Variants in CALB1 observed in about 807,000 individuals in gnomAD.
The protein encoded by CALB1 is calbindin 1.
In CALB1, 16 loss-of-function variants were observed where a neutral mutation model predicts 46.7. That is an observed-to-expected ratio of 0.34 (90% CI 0.23 to 0.52). The LOEUF (loss-of-function observed/expected upper bound fraction) is 0.52. Ranked by LOEUF, CALB1 falls within the 20% of genes least tolerant of loss-of-function variation. The pLI is 0.95. For missense variants in CALB1, 224 were observed against 300.3 expected (o/e 0.75, Z 1.88); for synonymous variants, 90 against 112.8 (o/e 0.80, Z 1.28).
At chr8:90,061,480 C>T (rs1050791159) in intron 9 of CALB1, 5 of 152,012 alleles carry the variant, frequency 3.3e-5, no homozygotes, top group African/African-American at 9.7e-5. Context: ...AGAGAGAAAA[C>T]CCTAAAGACC....
At chr8:90,078,303 A>C (rs1814657081) in intron 3 of CALB1, 70 bp downstream of exon 3, 4 of 918,510 alleles carry the variant, frequency 4.4e-6, no homozygotes, top group Non-Finnish European at 7.1e-6. Flanking sequence ...ATCTTACTTG[A>C]CTTGAAGACA....
chr8:90,065,094 A>G (rs1012887871), intron 6 of CALB1, among the ~76,000 whole-genome samples: 1 of 151,862 alleles, frequency 6.6e-6, no homozygotes, highest in Non-Finnish European at 1.5e-5. Context: ...GTACCTTCAC[A>G]GTACTGAAAG....
chr8:90,075,913 G>T (rs975596651), intron 3 of CALB1, among the ~76,000 whole-genome samples: 4 of 152,002 alleles, frequency 2.6e-5, no homozygotes, highest in African/African-American at 9.7e-5. Flanking sequence ...ATCGGAATGA[G>T]ATCTAAGTCT....
At chr8:90,072,864 A>C (rs980144744) in intron 3 of CALB1, among the ~76,000 whole-genome samples, 3 of 152,204 alleles carry the variant, frequency 2.0e-5, no homozygotes, top group African/African-American at 7.2e-5. Flanking sequence ...GAACTCCCAA[A>C]ACTTTTTTAT....
At chr8:90,060,864 TAA>T in intron 9 of CALB1, 164 bp from the exon 10 acceptor site, 2 of 635,182 alleles carry the variant, frequency 3.1e-6, no homozygotes, top group South Asian at 3.7e-5. Context: ...TCCAAAGCTG[TAA>T]AATATGCAAG....
At chr8:90,075,099 T>G (rs1281797198) in intron 3 of CALB1, among the ~76,000 whole-genome samples, 1 of 152,198 alleles carries the variant, frequency 6.6e-6, no homozygotes, top group Non-Finnish European at 1.5e-5. Flanking sequence ...TAAACTGTAT[T>G]TGTGTGGATT....
intron 6 of CALB1, among the ~76,000 whole-genome samples, chr8:90,065,509 A>G (rs1814378065): frequency 6.6e-6 from 1 of 151,794 alleles, no homozygotes; most frequent in East Asian, 1.9e-4. Context: ...ATAAAAATGG[A>G]TTTAGGAACT....
At chr8:90,061,880 A>G (rs1290271426) in intron 9 of CALB1, 1 of 152,168 alleles carries the variant, frequency 6.6e-6, no homozygotes, top group African/African-American at 2.4e-5. Flanking sequence ...TAACCACAAA[A>G]GATCCCAAAT....
At chr8:90,065,192 G>A (rs1485625115) in intron 6 of CALB1, among the ~76,000 whole-genome samples, 1 of 151,536 alleles carries the variant, frequency 6.6e-6, no homozygotes, top group Non-Finnish European at 1.5e-5. Flanking sequence ...TAACTTCATA[G>A]ACATTGGTTT....
rs745845774 is a variant in CALB1, at chr8:90,060,289, G to A, written c.673-3C>T. 2.0e-6 allele frequency: 3 copies of A among 1,516,602 alleles called. No individual in the cohort carries two copies. The highest frequency in any genetic ancestry group is 3.4e-4 in the Middle Eastern group (2 of 5,892). 93.9% of individuals were successfully genotyped at this position (1,516,602 alleles called of 1,614,324 possible). A position where few individuals can be genotyped will look rare whatever the true frequency, so the allele number is the denominator to read the frequency against. On this transcript the variant is annotated splice_polypyrimidine_tract_variant and splice_region_variant and intron_variant, in intron 10 of 10. Transcript: ENST00000265431. ...GTAATATTATTAATATCCAGATCCTGTACAGAATATAAATGGCATTGTAAT... is the reference window on the plus strand; with the variant it reads ...GTAATATTATTAATATCCAGATCCTATACAGAATATAAATGGCATTGTAAT...
intron 6 of CALB1, 49 bp downstream of exon 6, chr8:90,065,849 A>G (rs1554578697): frequency 1.7e-6 from 2 of 1,197,880 alleles, no homozygotes; most frequent in Non-Finnish European, 1.2e-6. Flanking sequence ...CAAGAACATC[A>G]TACTACTTCA....
intron 6 of CALB1, among the ~76,000 whole-genome samples, chr8:90,065,490 C>T (rs1407850713): frequency 6.6e-6 from 1 of 151,586 alleles, no homozygotes; most frequent in East Asian, 1.9e-4. Flanking sequence ...TGTGATTTCC[C>T]AAACTATGAT....
rs1437692245 is a variant in CALB1, at chr8:90,059,452, C to A, written c.*721G>T. The A allele has an allele frequency of 6.6e-6, 1 of 152,498 alleles. No homozygotes were observed. The highest frequency in any genetic ancestry group is 2.4e-5 in the African/African-American group (1 of 41,406). The allele number at this position is 152,498 out of a possible 1,614,324, so 9.4% of individuals were successfully genotyped here. A position where few individuals can be genotyped will look rare whatever the true frequency, so the allele number is the denominator to read the frequency against. The stretch of plus-strand genomic sequence containing the variant: ...AGCAGTTGACTAGAATAATTTGCAA[C>A]ACATGAAAACAGTTTAGAAAATGGA... On this transcript the variant is annotated 3_prime_UTR_variant, in exon 11 of 11. Coordinates refer to ENST00000265431, the MANE Select transcript of CALB1 (RefSeq NM_004929.4).
chr8:90,070,533 T>C (rs1814493109), intron 3 of CALB1, among the ~76,000 whole-genome samples: 1 of 152,226 alleles, frequency 6.6e-6, no homozygotes, highest in African/African-American at 2.4e-5. Flanking sequence ...TAATTTTTCT[T>C]ATGCCTGTGT....
At chr8:90,070,859 T>TGTGAGA in intron 3 of CALB1, among the ~76,000 whole-genome samples, 1 of 122,796 alleles carries the variant, frequency 8.1e-6, no homozygotes, top group African/African-American at 3.0e-5. Context: ...TGTGTGTGTG[T>TGTGAGA]GTGTGTGTGT....
chr8:90,060,305 G>T lies in CALB1; in HGVS notation c.673-19C>A. On this transcript the variant is annotated intron_variant, in intron 10 of 10. Transcript: ENST00000265431. ...CCAGATCCTGTACAGAATATAAATG[G>T]CATTGTAATCCAGTTAAATATGGAA... 2 of 1,416,060 alleles carry T rather than the reference G, an allele frequency of 1.4e-6. No homozygotes were observed. The highest frequency in any genetic ancestry group is 2.0e-6 in the Non-Finnish European group (2 of 1,000,136). The allele number at this position is 1,416,060 out of a possible 1,614,324, so 87.7% of individuals were successfully genotyped here.
At position 90,068,662 on chromosome 8, in the gene CALB1, T is replaced by TTA. The variant is rs202049394; in HGVS notation, c.372+334_372+335dup. ...TTTCTTCTTTCTTTTGTAAGAAAAT[T>TTA]TATATATATATGTGTTTATTTTGAG... On this transcript the variant is annotated intron_variant, in intron 5 of 10. Transcript: ENST00000265431. 9.5e-3 allele frequency among the ~76,000 whole-genome samples: 1,450 copies of TTA among 152,224 alleles called. 24 individuals carry two copies. Among genetic ancestry groups the TTA allele is most frequent in the African/African-American group, 0.034 (1,398 of 41,524 alleles).
At chr8:90,075,137 A>G (rs898956451) in intron 3 of CALB1, among the ~76,000 whole-genome samples, 1 of 152,242 alleles carries the variant, frequency 6.6e-6, no homozygotes, top group Non-Finnish European at 1.5e-5. Flanking sequence ...GCAAGAAATT[A>G]GAAAGTTCAG....
chr8:90,067,098 C>A (rs1303963876), intron 5 of CALB1, among the ~76,000 whole-genome samples: 3 of 151,994 alleles, frequency 2.0e-5, no homozygotes, highest in Admixed American at 6.6e-5. Flanking sequence ...TATTTTTGAG[C>A]CTTCTGGGGC....
Sources: allele counts gnomAD v4.1 joint callset (sites outside exome capture counted in the v4.1 genomes callset), GRCh38; gene constraint gnomAD v4.1.1; transcripts MANE v1.5; gene names NCBI Gene and HGNC (gene_info 2026-07-23, HGNC 2026-07-21).